OSGEP: variants seen among roughly 807,000 people sequenced by gnomAD.
The protein encoded by OSGEP is tRNA N6-adenosine threonylcarbamoyltransferase.
OSGEP carries 39 observed loss-of-function variants against 44.1 expected under a neutral mutation model. The ratio of observed to expected loss-of-function variants is 0.88; its 90% confidence interval spans 0.69 to 1.16. The LOEUF is 1.16. OSGEP is among the 50% of genes most tolerant of loss of function. OSGEP has a pLI of 0.00. For missense variants in OSGEP, 403 were observed against 443.1 expected (o/e 0.91, Z 0.81); for synonymous variants, 139 against 161.9 (o/e 0.86, Z 1.07).
chr14:20,449,484 T>C (rs1881040445), intron 3 of OSGEP: 2 of 525,306 alleles, frequency 3.8e-6, no homozygotes, highest in East Asian at 3.3e-5. Context: ...TCCTAGACAG[T>C]GTAGGTTCAG....
At position 20,448,106 on chromosome 14, in the gene OSGEP, C is replaced by T; in HGVS notation, c.702G>A (p.Gln234=). 1 of 1,612,180 alleles carries T rather than the reference C, an allele frequency of 6.2e-7. No individual in the cohort carries two copies. Among genetic ancestry groups the T allele is most frequent in the Non-Finnish European group, 8.5e-7 (1 of 1,178,126 alleles). Residue 234 remains glutamine (Q), a splice_region_variant and synonymous_variant, in exon 7 of 11, where the codon CAG becomes CAA. Transcript: ENST00000206542. ...CTPEDLCFSL[Q]ETVFAMLVEI... ...CTGTCCCAGTTTTTTACTGCATTAC[C>T]TGCAGGGAGAAACACAGATCCTCAG...
intron 3 of OSGEP, chr14:20,451,333 T>A (rs1166204949): frequency 3.3e-6 from 1 of 299,530 alleles, no homozygotes; most frequent in African/African-American, 2.3e-5. Context: ...TGAGACGGAG[T>A]TTTGCTCTTG....
chr14:20,447,813 CCTACTCCAAACG>C (rs1361087513), intron 8 of OSGEP, 79 bp downstream of exon 8: 17 of 1,228,018 alleles, frequency 1.4e-5, no homozygotes, highest in Non-Finnish European at 2.0e-5. Context: ...GATTGGGAAG[CCTACTCCAAACG>C]CTTAATGATT....
At chr14:20,454,122 G>A (rs2139297237) in intron 1 of OSGEP, among the ~76,000 whole-genome samples, 1 of 152,260 alleles carries the variant, frequency 6.6e-6, no homozygotes, top group African/African-American at 2.4e-5. Context: ...TGTAAGCCGG[G>A]AGTCTTTCCA....
At chr14:20,451,765 T>C in intron 3 of OSGEP, 2 of 431,156 alleles carry the variant, frequency 4.6e-6, no homozygotes, top group East Asian at 7.1e-5. Context: ...AGATATAAAG[T>C]CTGATAATGA....
In OSGEP at chr14:20,451,291, GT is replaced by G. The variant is rs759943328; in HGVS notation, c.411+682del. On this transcript the variant is annotated intron_variant, in intron 3 of 10. Transcript: ENST00000206542. ...ATAAATCAGGTAGTGTCCTTTAGTT[GT>G]TTTTTTTTGTTTTTTGTTTGTTTGT... The G allele has an allele frequency of 1.7e-3, 492 of 281,794 alleles. 1 individual carries two copies. The highest frequency in any genetic ancestry group is 6.7e-3 in the African/African-American group (283 of 42,214). The allele number at this position is 281,794 out of a possible 1,614,324, so 17.5% of individuals were successfully genotyped here.
rs2139294485 is a variant in OSGEP, at chr14:20,452,406, A to G, written c.158T>C (p.Ile53Thr). The G allele has an allele frequency of 1.9e-6, 3 of 1,613,934 alleles. No homozygotes were observed. The highest frequency in any genetic ancestry group is 1.1e-5 in the South Asian group (1 of 91,090). Reference protein sequence around the residue: ...GDTARHHRAVILDLLQEALTE... With the variant: ...GDTARHHRAVTLDLLQEALTE... ...TAGTGCCTCCTGCAGCAGGTCTAGG[A>G]TAACAGCTCGGTGATGCCTGGCTGT... is the stretch of plus-strand genomic sequence containing the variant. The change falls in exon 2 of 11, where the codon ATC (isoleucine) becomes ACC (threonine). Residue 53 changes from isoleucine (I) to threonine (T), a missense_variant. By Grantham distance (89) the Ile-to-Thr change is moderately conservative (BLOSUM62 -1). Transcript: ENST00000206542.
chr14:20,449,079 T>C (rs1392141203), intron 4 of OSGEP, 66 bp from the exon 5 acceptor site: 2 of 1,518,486 alleles, frequency 1.3e-6, no homozygotes, highest in East Asian at 2.3e-5. Flanking sequence ...GCAGGAAGCA[T>C]AAGAAGCTCA....
intron 3 of OSGEP, chr14:20,450,035 TTTTTC>T (rs1881054714): frequency 8.5e-6 from 1 of 118,230 alleles, no homozygotes; most frequent in South Asian, 2.8e-4. Flanking sequence ...CTTAAGGCCA[TTTTTC>T]TTTTCTTTTT....
In OSGEP at chr14:20,454,807, A is replaced by G. The variant is rs372263866; in HGVS notation, c.-124T>C. ...AGAGGAAGCTGGCCAGCCTGCAGAT[A>G]GCACTGGGAAAGACACCGCGGAACT... On this transcript the variant is annotated 5_prime_UTR_variant, in exon 1 of 11. Coordinates refer to ENST00000206542, the MANE Select transcript of OSGEP (RefSeq NM_017807.4). 5.7e-5 allele frequency: 39 copies of G among 688,466 alleles called. No homozygotes were observed. The highest frequency in any genetic ancestry group is 2.2e-4 in the African/African-American group (12 of 55,576). 42.6% of individuals were successfully genotyped at this position (688,466 alleles called of 1,614,324 possible). A position where few individuals can be genotyped will look rare whatever the true frequency, so the allele number is the denominator to read the frequency against.
rs938884 is a variant in OSGEP, at chr14:20,448,557, G to C, written c.636+176C>G. 0.24 allele frequency among the ~76,000 whole-genome samples: 36,792 copies of C among 151,928 alleles called. 4,598 individuals carry two copies. Among genetic ancestry groups the C allele is most frequent in the African/African-American group, 0.26 (10,848 of 41,390 alleles). On this transcript the variant is annotated intron_variant, in intron 6 of 10. Transcript: ENST00000206542. ...GCATCTCTACTATCTAGAACAGCAT[G>C]TGGCACACAGAGATATTCAATGAAT...
At chr14:20,454,484 G>A in intron 1 of OSGEP, 85 bp downstream of exon 1, 1 of 912,808 alleles carries the variant, frequency 1.1e-6, no homozygotes, top group Admixed American at 1.7e-5. Flanking sequence ...ATCGAAAGCT[G>A]CACCTCACTA....
At chr14:20,449,679 C>G (rs2139291551) in intron 3 of OSGEP, 1 of 222,252 alleles carries the variant, frequency 4.5e-6, no homozygotes, top group African/African-American at 2.3e-5. Flanking sequence ...CTCGCTCTGT[C>G]TCCCAGGCTG....
At chr14:20,448,857 G>C (rs777061465) in intron 5 of OSGEP, 46 bp from the exon 6 acceptor site, 33 of 1,589,740 alleles carry the variant, frequency 2.1e-5, no homozygotes, top group South Asian at 2.0e-4. Flanking sequence ...CAGTCAGCTG[G>C]CTTCTCACCC....
intron 1 of OSGEP, among the ~76,000 whole-genome samples, chr14:20,453,312 G>A (rs1881152640): frequency 6.6e-6 from 1 of 152,040 alleles, no homozygotes; most frequent in Non-Finnish European, 1.5e-5. Flanking sequence ...TGAGGGGAGA[G>A]TAGCAAGATA....
intron 4 of OSGEP, 35 bp from the exon 5 acceptor site, chr14:20,449,048 G>A: frequency 2.5e-6 from 4 of 1,579,278 alleles, no homozygotes; most frequent in Non-Finnish European, 3.5e-6. Context: ...GGAGGGAATG[G>A]AAGAGGATGA....
chr14:20,449,018 C>G lies in OSGEP; in HGVS notation c.508-5G>C, dbSNP rs913319076. On this transcript the variant is annotated splice_region_variant and splice_polypyrimidine_tract_variant and intron_variant, in intron 4 of 10. Coordinates refer to ENST00000206542, the MANE Select transcript of OSGEP (RefSeq NM_017807.4). ...TGGACTTGGGTCGTTAGAAATCTAGCAGAAGAAAAAAATAAGGAAGGAGGG... is the reference window on the plus strand; with the variant it reads ...TGGACTTGGGTCGTTAGAAATCTAGGAGAAGAAAAAAATAAGGAAGGAGGG... 6.2e-7 allele frequency: 1 copy of G among 1,612,776 alleles called. No individual in the cohort carries two copies. The highest frequency in any genetic ancestry group is 1.1e-5 in the South Asian group (1 of 91,042).
rs201706488 is a variant in OSGEP at position 20,448,737 on chromosome 14, A to G, written c.632T>C (p.Ile211Thr). 6.0e-5 allele frequency: 97 copies of G among 1,610,234 alleles called. No homozygotes were observed. Among genetic ancestry groups the G allele is most frequent in the South Asian group, 2.2e-5 (2 of 91,006 alleles). ...CTCATCACCTCTCACACTCACCTCAATGAAAGACAGGATCCCTGAGAATGA... is the reference window on the plus strand; with the variant it reads ...CTCATCACCTCTCACACTCACCTCAGTGAAAGACAGGATCCCTGAGAATGA... ...DVSFSGILSF[I>T]EDVAHRMLAT... The change falls in exon 6 of 11, where the codon ATT becomes ACT. Residue 211 changes from isoleucine (I) to threonine (T), a missense_variant. Ile to Thr is a moderately conservative substitution (Grantham distance 89, BLOSUM62 -1). Coordinates refer to ENST00000206542, the MANE Select transcript of OSGEP (RefSeq NM_017807.4).
At position 20,454,726 on chromosome 14, in the gene OSGEP, T is replaced by A; in HGVS notation, c.-43A>T. 6.9e-7 allele frequency: 1 copy of A among 1,444,902 alleles called. No homozygotes were observed. The highest frequency in any genetic ancestry group is 9.7e-7 in the Non-Finnish European group (1 of 1,028,872). The allele number at this position is 1,444,902 out of a possible 1,614,324, so 89.5% of individuals were successfully genotyped here. On this transcript the variant is annotated 5_prime_UTR_variant, in exon 1 of 11. Coordinates refer to ENST00000206542, the MANE Select transcript of OSGEP (RefSeq NM_017807.4). ...AACGCCGACAGGACTCCTGGCAATG[T>A]CAGGAGCTGTGGAGGTCCTCACTAG...
Sources: allele counts gnomAD v4.1 joint callset (sites outside exome capture counted in the v4.1 genomes callset), GRCh38; gene constraint gnomAD v4.1.1; transcripts MANE v1.5; gene names NCBI Gene and HGNC (gene_info 2026-07-23, HGNC 2026-07-21).